The following AKAP10 variants were observed in gnomAD, a reference collection of about 807,000 sequenced individuals.
AKAP10 encodes A-kinase anchor protein 10, mitochondrial.
In AKAP10, 24 loss-of-function variants were observed where a neutral mutation model predicts 80.8. That is an observed-to-expected ratio of 0.30 (90% confidence interval 0.22 to 0.42). AKAP10 has a LOEUF of 0.42. AKAP10 is among the 10% of genes least tolerant of loss of function. The pLI is 1.00. For synonymous variants in AKAP10, 291 were observed against 277.7 expected (o/e 1.05, Z -0.48); for missense variants, 661 against 794.9 (o/e 0.83, Z 2.03).
At chr17:19,928,071 T>C (rs2042893570) in intron 10 of AKAP10, among the ~76,000 whole-genome samples, 1 of 150,464 alleles carries the variant, frequency 6.6e-6, no homozygotes, top group Non-Finnish European at 1.5e-5. Flanking sequence ...AATACAAAAA[T>C]CAGCCCGGCA....
intron 5 of AKAP10, among the ~76,000 whole-genome samples, chr17:19,946,135 ATATTATATATTAGTATATAT>A (rs2043102490): frequency 1.5e-5 from 2 of 130,484 alleles, no homozygotes; most frequent in East Asian, 4.3e-4. Flanking sequence ...ACTAATATGT[ATATTATATATTAGTATATAT>A]ACTAATATAT....
intron 12 of AKAP10, among the ~76,000 whole-genome samples, chr17:19,912,731 CTT>C: frequency 6.6e-6 from 1 of 152,184 alleles, no homozygotes; most frequent in East Asian, 1.9e-4. Flanking sequence ...AAAACTCAGT[CTT>C]TTCCTCTGTG....
chr17:19,936,220 C>T, intron 9 of AKAP10, 66 bp downstream of exon 9: 1 of 1,533,302 alleles, frequency 6.5e-7, no homozygotes, highest in Non-Finnish European at 8.8e-7. Flanking sequence ...GTTTTCCCAC[C>T]TTATATTTTA....
At chr17:19,963,721 CCTGTCTCTACTAAAAATACAAAAA>C (rs2043381832) in intron 2 of AKAP10, among the ~76,000 whole-genome samples, 1 of 151,800 alleles carries the variant, frequency 6.6e-6, no homozygotes, top group Non-Finnish European at 1.5e-5. Flanking sequence ...ATGGTGAAAC[CCTGTCTCTACTAAAAATACAAAAA>C]ATTAGCTGGG....
intron 1 of AKAP10, among the ~76,000 whole-genome samples, chr17:19,970,091 A>C (rs569658452): frequency 1.2e-4 from 19 of 152,306 alleles, no homozygotes; most frequent in Non-Finnish European, 2.2e-4. Context: ...TCTCAAATTC[A>C]TATAGCTAAC....
At position 19,908,787 on chromosome 17, in the gene AKAP10, C is replaced by G. The variant is rs544144501; in HGVS notation, c.1983+394G>C. On this transcript the variant is annotated intron_variant, in intron 14 of 14. Coordinates refer to ENST00000225737, the MANE Select transcript of AKAP10 (RefSeq NM_007202.4). ...CCCAAATAGTTGGGATTACAGGTGC[C>G]TGCCACCACACCCGGCTAAGACAGG... Among the ~76,000 whole-genome samples, 48 of 152,154 alleles carry G rather than the reference C, an allele frequency of 3.2e-4. No individual in the cohort carries two copies. The Middle Eastern group carries it at 0.01, about 32-fold the overall frequency.
chr17:19,946,137 A>G (rs1328242931), intron 5 of AKAP10, among the ~76,000 whole-genome samples: 3 of 129,312 alleles, frequency 2.3e-5, no homozygotes, highest in African/African-American at 8.7e-5. Flanking sequence ...TAATATGTAT[A>G]TTATATATTA....
chr17:19,918,133 T>C (rs1567752678), intron 12 of AKAP10, among the ~76,000 whole-genome samples: 1 of 150,900 alleles, frequency 6.6e-6, no homozygotes. Flanking sequence ...GGCAGGAGAA[T>C]TGCTTGAACC....
intron 1 of AKAP10, among the ~76,000 whole-genome samples, chr17:19,970,498 T>A (rs945384670): frequency 5.9e-5 from 9 of 152,202 alleles, no homozygotes; most frequent in African/African-American, 2.2e-4. Flanking sequence ...CACCTGACCC[T>A]TCCTTTCCCA....
intron 2 of AKAP10, among the ~76,000 whole-genome samples, chr17:19,964,685 T>C (rs1196228489): frequency 6.6e-6 from 1 of 151,526 alleles, no homozygotes; most frequent in Non-Finnish European, 1.5e-5. Context: ...AGGCCAGGAG[T>C]TCGAGACCAG....
chr17:19,936,517 A>C, intron 8 of AKAP10, 87 bp from the exon 9 acceptor site: 2 of 1,316,354 alleles, frequency 1.5e-6, no homozygotes, highest in South Asian at 2.9e-5. Flanking sequence ...ATCTTATACA[A>C]GGCTACTTGA....
intron 8 of AKAP10, among the ~76,000 whole-genome samples, chr17:19,937,338 C>T (rs1385400526): frequency 6.6e-6 from 1 of 152,068 alleles, no homozygotes; most frequent in Non-Finnish European, 1.5e-5. Context: ...CCTGTCTCTA[C>T]TAAAAATACA....
At position 19,977,785 on chromosome 17, in the gene AKAP10, C is replaced by T. The variant is rs1162118171; in HGVS notation, c.-106G>A. On this transcript the variant is annotated 5_prime_UTR_variant, in exon 1 of 15. Coordinates refer to ENST00000225737, the MANE Select transcript of AKAP10 (RefSeq NM_007202.4). ...CCACCGCCTCCTCGGGATGCCCAGG[C>T]AGCTCCAGCCGCCATATTATCAACA... 1.1e-5 allele frequency: 7 copies of T among 618,942 alleles called. No individual in the cohort carries two copies. The highest frequency in any genetic ancestry group is 1.6e-5 in the Non-Finnish European group (7 of 426,674). 38.3% of individuals were successfully genotyped at this position (618,942 alleles called of 1,614,324 possible). A position where few individuals can be genotyped will look rare whatever the true frequency, so the allele number is the denominator to read the frequency against.
At chr17:19,961,894 T>C (rs956348527) in intron 3 of AKAP10, among the ~76,000 whole-genome samples, 25 of 152,086 alleles carry the variant, frequency 1.6e-4, no homozygotes, top group Non-Finnish European at 2.5e-4. Flanking sequence ...TGTGGGAGAA[T>C]TGCTTGAGGC....
intron 11 of AKAP10, among the ~76,000 whole-genome samples, chr17:19,923,708 A>T (rs2042843418): frequency 6.6e-6 from 1 of 151,928 alleles, no homozygotes; most frequent in Non-Finnish European, 1.5e-5. Flanking sequence ...TTGTATTTTT[A>T]GTAGAGACGG....
Position 19,931,802 on chromosome 17 carries a change from T to C in AKAP10, c.1641+3A>G, listed in dbSNP as rs2042936661. Reference sequence around the variant, plus strand: ...CCTAATGGCAGACGCAATCAGTCAATACCTGAGACGCAGAGCTGTCAGAAC... The same window carrying C: ...CCTAATGGCAGACGCAATCAGTCAACACCTGAGACGCAGAGCTGTCAGAAC... On this transcript the variant is annotated splice_donor_region_variant and intron_variant, in intron 10 of 14. Transcript: ENST00000225737. 1.2e-6 allele frequency: 2 copies of C among 1,612,208 alleles called. No individual in the cohort carries two copies. The highest frequency in any genetic ancestry group is 8.5e-7 in the Non-Finnish European group (1 of 1,179,562).
At chr17:19,961,291 G>A (rs1278520483) in intron 3 of AKAP10, among the ~76,000 whole-genome samples, 1 of 151,756 alleles carries the variant, frequency 6.6e-6, no homozygotes, top group East Asian at 1.9e-4. Flanking sequence ...GGGTGAGGCT[G>A]CAGTGAGTTG....
intron 2 of AKAP10, 125 bp downstream of exon 2, chr17:19,968,289 T>A: frequency 3.2e-6 from 2 of 630,492 alleles, no homozygotes; most frequent in Non-Finnish European, 5.3e-6. Context: ...ATCAAAATCA[T>A]AAGTAATTAT....
chr17:19,919,622 T>G (rs1380005296), intron 12 of AKAP10, among the ~76,000 whole-genome samples: 1 of 151,336 alleles, frequency 6.6e-6, no homozygotes, highest in Non-Finnish European at 1.5e-5. Context: ...AAGCAGAGGT[T>G]GCAGTGAGGT....
Sources: allele counts gnomAD v4.1 joint callset (sites outside exome capture counted in the v4.1 genomes callset), GRCh38; gene constraint gnomAD v4.1.1; transcripts MANE v1.5; gene names NCBI Gene and HGNC (gene_info 2026-07-23, HGNC 2026-07-21).